RMDN2: variants seen among roughly 807,000 people sequenced by gnomAD.
RMDN2 encodes regulator of microtubule dynamics protein 2.
RMDN2 carries 61 observed loss-of-function variants against 52.8 expected under a neutral mutation model. The ratio of observed to expected loss-of-function variants is 1.16; its 90% CI spans 0.94 to 1.43. The LOEUF is 1.43. Ranked by LOEUF, RMDN2 falls within the 40% of genes most tolerant of loss-of-function variation. RMDN2 has a pLI of 0.00. For synonymous variants in RMDN2, 180 were observed against 153.1 expected (o/e 1.18, Z -1.30); for missense variants, 592 against 475.3 (o/e 1.25, Z -2.28).
chr2:37,934,133 AC>A (rs1667093398), intron 2 of RMDN2, among the ~76,000 whole-genome samples: 1 of 152,200 alleles, frequency 6.6e-6, no homozygotes, highest in South Asian at 2.1e-4. Context: ...GAAGATTTTT[AC>A]TTCTTTTCAA....
At chr2:38,040,392 A>C (rs1680882239) in intron 10 of RMDN2, among the ~76,000 whole-genome samples, 1 of 152,126 alleles carries the variant, frequency 6.6e-6, no homozygotes. Flanking sequence ...TGATTAAGTC[A>C]TGAGGGTTCT....
chr2:37,940,670 C>G (rs1481784851), intron 2 of RMDN2, among the ~76,000 whole-genome samples: 1 of 152,060 alleles, frequency 6.6e-6, no homozygotes, highest in Non-Finnish European at 1.5e-5. Context: ...TCCACTTGAT[C>G]AATTTGGCTA....
chr2:37,999,557 C>T (rs1218323114), intron 8 of RMDN2, among the ~76,000 whole-genome samples: 2 of 152,108 alleles, frequency 1.3e-5, no homozygotes, highest in Admixed American at 6.6e-5. Flanking sequence ...TGCTTCTTGC[C>T]ATATTTACTA....
In RMDN2 at chr2:37,950,634, A is replaced by G. The variant is rs141913707; in HGVS notation, c.452+20905A>G. 5.0e-3 allele frequency: 7,994 copies of G among 1,602,738 alleles called. 150 individuals are homozygous for G. The highest frequency in any genetic ancestry group is 0.045 in the South Asian group (4,092 of 90,832). Reference sequence around the variant, plus strand: ...AAAAACTTCAACATGTGCTAAAAGAACATTGAAAATATTCATAAACGAAGC... The same window carrying G: ...AAAAACTTCAACATGTGCTAAAAGAGCATTGAAAATATTCATAAACGAAGC... On this transcript the variant is annotated intron_variant, in intron 2 of 10. Coordinates refer to ENST00000354545, the MANE Select transcript of RMDN2 (RefSeq NM_001170791.3).
rs186199713 is a variant in RMDN2, at chr2:37,927,757, G to C, written c.-16-1505G>C. ...TGCAGTTGTAATTAATGGGCATAGA[G>C]TGACTTATTTTTTTGCAATAAGCTT... is the stretch of plus-strand genomic sequence containing the variant. On this transcript the variant is annotated intron_variant, in intron 1 of 10. Coordinates refer to ENST00000354545, the MANE Select transcript of RMDN2 (RefSeq NM_001170791.3). Among the ~76,000 whole-genome samples, 38 of 152,294 alleles carry C rather than the reference G, an allele frequency of 2.5e-4. No individual in the cohort carries two copies. In the East Asian group the frequency reaches 5.2e-3, roughly 21 times the overall value.
chr2:38,012,731 A>G (rs1441467204), intron 10 of RMDN2: 10 of 354,722 alleles, frequency 2.8e-5, no homozygotes, highest in Non-Finnish European at 4.5e-5. Context: ...CCATCTCTAT[A>G]AAGTTTTTTC....
At chr2:37,956,636 T>G (rs1669499389) in intron 2 of RMDN2, among the ~76,000 whole-genome samples, 1 of 151,894 alleles carries the variant, frequency 6.6e-6, no homozygotes, top group Non-Finnish European at 1.5e-5. Context: ...ATTCGGGACA[T>G]TACCTTCTTT....
At chr2:37,960,954 A>T (rs943721305) in intron 2 of RMDN2, among the ~76,000 whole-genome samples, 1 of 152,152 alleles carries the variant, frequency 6.6e-6, no homozygotes, top group African/African-American at 2.4e-5. Context: ...TATGAAGCTT[A>T]GTTTGGCTCA....
At chr2:37,941,568 G>A (rs536898005) in intron 2 of RMDN2, among the ~76,000 whole-genome samples, 14 of 152,334 alleles carry the variant, frequency 9.2e-5, no homozygotes, top group African/African-American at 3.4e-4. Context: ...TGAGACTACC[G>A]CCTGTCTTTC....
chr2:37,988,416 T>C (rs1306494213), intron 5 of RMDN2, among the ~76,000 whole-genome samples: 2 of 152,198 alleles, frequency 1.3e-5, no homozygotes, highest in African/African-American at 4.8e-5. Context: ...GTCCTCCTCC[T>C]TGCTTTTACT....
intron 10 of RMDN2, among the ~76,000 whole-genome samples, chr2:38,048,040 GA>G (rs1053781443): frequency 3.3e-5 from 5 of 152,224 alleles, no homozygotes; most frequent in Admixed American, 3.3e-4. Context: ...GATTACCTGA[GA>G]TGTAACACAA....
chr2:37,976,739 CA>C (rs1247266677), intron 4 of RMDN2, among the ~76,000 whole-genome samples: 1 of 151,946 alleles, frequency 6.6e-6, no homozygotes, highest in East Asian at 1.9e-4. Flanking sequence ...AAAACTTAAC[CA>C]AGGAGAACAA....
intron 2 of RMDN2, among the ~76,000 whole-genome samples, chr2:37,972,019 C>T (rs1671873186): frequency 6.6e-6 from 1 of 152,064 alleles, no homozygotes; most frequent in African/African-American, 2.4e-5. Flanking sequence ...ATTTTAGAAA[C>T]ATCTTTTAAT....
At chr2:38,016,564 A>G (rs17412119) in intron 10 of RMDN2, among the ~76,000 whole-genome samples, 20,107 of 152,184 alleles carry the variant, frequency 0.13, 1,611 homozygotes, top group Non-Finnish European at 0.18. Flanking sequence ...TAATGATCTC[A>G]CCTTAGTCAT....
rs1558517635 is a variant in RMDN2 at position 37,989,642 on chromosome 2, TC to T, written c.867+27del. 4.2e-6 allele frequency: 6 copies of T among 1,442,192 alleles called. No individual in the cohort carries two copies. The African/African-American group carries it at 7.1e-5, about 17-fold the overall frequency. 89.3% of individuals were successfully genotyped at this position (1,442,192 alleles called of 1,614,324 possible). ...GTATTTCTTTTTTTTTTTTCATATT[TC>T]TTTTCAGATCCAGACATATGGAAGG... is the stretch of plus-strand genomic sequence containing the variant. On this transcript the variant is annotated intron_variant, in intron 6 of 10. Coordinates refer to ENST00000354545, the MANE Select transcript of RMDN2 (RefSeq NM_001170791.3).
At chr2:38,039,109 A>G (rs1330016444) in intron 10 of RMDN2, among the ~76,000 whole-genome samples, 1 of 149,470 alleles carries the variant, frequency 6.7e-6, no homozygotes, top group Non-Finnish European at 1.5e-5. Flanking sequence ...GAGAGATAAA[A>G]TGTTCATGGA....
intron 2 of RMDN2, among the ~76,000 whole-genome samples, chr2:37,969,505 T>C (rs1301352445): frequency 2.0e-5 from 3 of 151,590 alleles, no homozygotes; most frequent in East Asian, 1.9e-4. Flanking sequence ...AATTATATTT[T>C]CTTGTTTTAT....
intron 10 of RMDN2, among the ~76,000 whole-genome samples, chr2:38,054,014 A>G (rs1681746291): frequency 6.6e-6 from 1 of 152,204 alleles, no homozygotes; most frequent in South Asian, 2.1e-4. Context: ...TTTATTGATT[A>G]ATTTCCAGTT....
intron 2 of RMDN2, among the ~76,000 whole-genome samples, chr2:37,946,608 G>A (rs1207354598): frequency 6.6e-6 from 1 of 152,192 alleles, no homozygotes; most frequent in African/African-American, 2.4e-5. Flanking sequence ...CAGGTGTGGA[G>A]AGTAGAAGAG....
Sources: gnomAD v4.1 joint callset for allele counts (sites outside exome capture counted in the v4.1 genomes callset) on GRCh38, gnomAD v4.1.1 for gene constraint, MANE v1.5 for transcripts, NCBI Gene and HGNC (gene_info 2026-07-23, HGNC 2026-07-21) for gene names.